Variants in ENOX1 observed in about 807,000 individuals in gnomAD.
ENOX1 encodes the protein ecto-NOX disulfide-thiol exchanger 1.
In ENOX1, 42 loss-of-function variants were observed where a neutral mutation model predicts 82.5. That is an observed-to-expected ratio of 0.51 (90% CI 0.40 to 0.66). ENOX1 has a LOEUF of 0.66. Among genes scored for constraint, ENOX1 ranks in the 30% least tolerant of loss-of-function variants. ENOX1 has a pLI of 0.00. For synonymous variants in ENOX1, 271 were observed against 282.2 expected, an observed-to-expected ratio of 0.96 and a Z score of 0.40; for missense variants, 608 against 811.6, an observed-to-expected ratio of 0.75 and a Z score of 3.05.
intron 1 of ENOX1, among the ~76,000 whole-genome samples, chr13:43,705,375 T>TTACAAGGCAAA (rs1360857813): frequency 6.9e-6 from 1 of 145,556 alleles, no homozygotes; most frequent in Non-Finnish European, 1.5e-5. Context: ...AACACTCCAA[T>TTACAAGGCAAA]TACAAGGCAA....
chr13:43,692,177 G>A (rs917914316), intron 1 of ENOX1, among the ~76,000 whole-genome samples: 3 of 152,214 alleles, frequency 2.0e-5, no homozygotes, highest in African/African-American at 7.2e-5. Context: ...CTTAGTGTAT[G>A]ATGACTGGAA....
At chr13:43,763,697 A>G (rs1202779783) in intron 1 of ENOX1, among the ~76,000 whole-genome samples, 2 of 152,238 alleles carry the variant, frequency 1.3e-5, no homozygotes, top group Non-Finnish European at 2.9e-5. Flanking sequence ...GATTGATTTA[A>G]TACTCCAACT....
At chr13:43,514,673 T>G (rs181630978) in intron 2 of ENOX1, among the ~76,000 whole-genome samples, 1 of 152,292 alleles carries the variant, frequency 6.6e-6, no homozygotes, top group Non-Finnish European at 1.5e-5. Context: ...ATGGCAAAAC[T>G]TACTGCCAGT....
In ENOX1 at chr13:43,567,470, A is replaced by G. The variant is rs148997947; in HGVS notation, c.-218-83318T>C. On this transcript the variant is annotated intron_variant, in intron 2 of 16. Transcript: ENST00000690772. The stretch of plus-strand genomic sequence containing the variant: ...CTTTAAAATGGGACAAATCATATCC[A>G]GGAAATAAACTGTTTACCAAGAGGA... Among the ~76,000 whole-genome samples the G allele has an allele frequency of 5.4e-3, 815 of 152,254 alleles. 8 individuals carry two copies. The highest frequency in any genetic ancestry group is 0.018 in the African/African-American group (756 of 41,552).
At chr13:43,391,352 C>T (rs1431507236) in intron 5 of ENOX1, among the ~76,000 whole-genome samples, 1 of 152,084 alleles carries the variant, frequency 6.6e-6, no homozygotes, top group Non-Finnish European at 1.5e-5. Flanking sequence ...TATGCCATTT[C>T]CCTCATGCCC....
intron 2 of ENOX1, among the ~76,000 whole-genome samples, 197 bp downstream of exon 2, chr13:43,667,282 C>T (rs912423265): frequency 1.3e-5 from 2 of 152,128 alleles, no homozygotes; most frequent in African/African-American, 2.4e-5. Flanking sequence ...TTTACAGAGG[C>T]CCTGTCACAG....
chr13:43,538,515 C>G (rs1462236851), intron 2 of ENOX1, among the ~76,000 whole-genome samples: 1 of 152,106 alleles, frequency 6.6e-6, no homozygotes, highest in Non-Finnish European at 1.5e-5. Context: ...TAATCATGTG[C>G]TTTTTCTTCT....
At chr13:43,499,470 C>T (rs1370557706) in intron 2 of ENOX1, among the ~76,000 whole-genome samples, 1 of 151,990 alleles carries the variant, frequency 6.6e-6, no homozygotes, top group Non-Finnish European at 1.5e-5. Flanking sequence ...GGTCAATATC[C>T]ACAATACAAA....
At chr13:43,301,387 T>C (rs1367178920) in intron 11 of ENOX1, among the ~76,000 whole-genome samples, 2 of 152,102 alleles carry the variant, frequency 1.3e-5, no homozygotes, top group African/African-American at 4.8e-5. Context: ...TAAATACATA[T>C]AGGAAAGTGT....
chr13:43,233,506 C>A (rs1369715131), intron 15 of ENOX1, among the ~76,000 whole-genome samples: 1 of 152,140 alleles, frequency 6.6e-6, no homozygotes, highest in East Asian at 1.9e-4. Flanking sequence ...AATGTCTGGG[C>A]AGAATACACC....
intron 5 of ENOX1, among the ~76,000 whole-genome samples, chr13:43,382,970 G>C (rs1252743554): frequency 6.6e-6 from 1 of 152,106 alleles, no homozygotes; most frequent in Non-Finnish European, 1.5e-5. Flanking sequence ...CATATATAAA[G>C]CTTTTTAGTT....
At chr13:43,649,062 A>C (rs537100284) in intron 2 of ENOX1, among the ~76,000 whole-genome samples, 2 of 152,336 alleles carry the variant, frequency 1.3e-5, no homozygotes, top group South Asian at 4.1e-4. Flanking sequence ...GAAGGTGGCA[A>C]ATAAAGTGTC....
intron 2 of ENOX1, among the ~76,000 whole-genome samples, chr13:43,520,045 C>T (rs1181026335): frequency 6.6e-6 from 1 of 152,134 alleles, no homozygotes; most frequent in African/African-American, 2.4e-5. Flanking sequence ...TGAGCCTGGG[C>T]CCCATTCATC....
chr13:43,288,973 C>A (rs1251023681), intron 12 of ENOX1, among the ~76,000 whole-genome samples: 3 of 152,010 alleles, frequency 2.0e-5, no homozygotes, highest in South Asian at 4.2e-4. Flanking sequence ...CTTACAATAG[C>A]CACGAAGAAG....
At chr13:43,715,452 G>A (rs1239246873) in intron 1 of ENOX1, among the ~76,000 whole-genome samples, 1 of 152,000 alleles carries the variant, frequency 6.6e-6, no homozygotes, top group East Asian at 1.9e-4. Context: ...GTATCTTGGA[G>A]TTGCTCTTCT....
intron 1 of ENOX1, among the ~76,000 whole-genome samples, chr13:43,772,239 T>C (rs1951676022): frequency 6.6e-6 from 1 of 152,178 alleles, no homozygotes; most frequent in African/African-American, 2.4e-5. Context: ...AGTCAGACAC[T>C]ATTTTGTTCT....
intron 1 of ENOX1, among the ~76,000 whole-genome samples, chr13:43,735,874 T>C (rs1232787256): frequency 6.6e-6 from 1 of 152,222 alleles, no homozygotes; most frequent in East Asian, 1.9e-4. Context: ...TTAAAATATC[T>C]ATCCTTCCAT....
intron 2 of ENOX1, among the ~76,000 whole-genome samples, chr13:43,494,473 T>C (rs1366410511): frequency 6.6e-6 from 1 of 152,212 alleles, no homozygotes; most frequent in East Asian, 1.9e-4. Context: ...TGTCTTCATA[T>C]AACCTAAGAA....
chr13:43,266,444 G>A (rs1160231671), intron 13 of ENOX1, among the ~76,000 whole-genome samples: 4 of 152,044 alleles, frequency 2.6e-5, no homozygotes, highest in Non-Finnish European at 5.9e-5. Flanking sequence ...GCAAAAAAAA[G>A]CCCTACCCGC....
Sources: gnomAD v4.1 joint callset for allele counts (sites outside exome capture counted in the v4.1 genomes callset) on GRCh38, gnomAD v4.1.1 for gene constraint, MANE v1.5 for transcripts, NCBI Gene and HGNC (gene_info 2026-07-23, HGNC 2026-07-21) for gene names.